GOLGB1: variants seen among roughly 807,000 people sequenced by gnomAD.
The protein encoded by GOLGB1 is golgin B1.
GOLGB1 carries 174 observed loss-of-function variants against 336.9 expected under a neutral mutation model. The ratio of observed to expected loss-of-function variants is 0.52; its 90% CI spans 0.46 to 0.59. The LOEUF is 0.59. Among genes scored for constraint, GOLGB1 ranks in the 20% least tolerant of loss-of-function variants. The pLI is 0.00. For synonymous variants in GOLGB1, 1,208 were observed against 1,289.2 expected, an observed-to-expected ratio of 0.94 and a Z score of 1.35; for missense variants, 3,331 against 3,645.3, an observed-to-expected ratio of 0.91 and a Z score of 2.22.
At position 121,692,276 on chromosome 3, in the gene GOLGB1, T is replaced by C; in HGVS notation, c.7088A>G (p.Gln2363Arg). 6.2e-7 allele frequency: 1 copy of C among 1,610,458 alleles called. No homozygotes were observed. The highest frequency in any genetic ancestry group is 1.3e-5 in the African/African-American group (1 of 74,654). ...DIQNSKFSYE[Q>R]LETDLQASRE... ...GGAGGCCTGAAGATCAGTCTCCAGTTGTTCATAACTGAACTTAGAATTTTG... is the reference window on the plus strand; with the variant it reads ...GGAGGCCTGAAGATCAGTCTCCAGTCGTTCATAACTGAACTTAGAATTTTG... Residue 2363 changes from glutamine to arginine, a missense_variant, in exon 14 of 22, where the codon CAA (glutamine) becomes CGA (arginine). Transcript: ENST00000614479.
intron 1 of GOLGB1, among the ~76,000 whole-genome samples, chr3:121,748,117 A>G (rs1342020083): frequency 2.0e-5 from 3 of 152,146 alleles, no homozygotes; most frequent in Non-Finnish European, 4.4e-5. Flanking sequence ...TCTTCTAAAG[A>G]TCATGTTTAA....
rs1366699975 is a variant in GOLGB1 at position 121,727,026 on chromosome 3, T to C, written c.418A>G (p.Thr140Ala). ...TTTTCTATTTCCATCTCTTCCTCTG[T>C]AGAACTCTTGTCATGCTGAAAATGC... ...EQLSKHDKSSTEEEMEIEKIK... is the reference protein window; with the variant it reads ...EQLSKHDKSSAEEEMEIEKIK... The change falls in exon 5 of 22, where the codon ACA becomes GCA. Residue 140 changes from threonine (T) to alanine (A), a missense_variant. Physicochemically the swap from Thr to Ala is moderately conservative, Grantham distance 58. Coordinates refer to ENST00000614479, the MANE Select transcript of GOLGB1 (RefSeq NM_001366282.2). 6.3e-7 allele frequency: 1 copy of C among 1,577,526 alleles called. No homozygotes were observed. Among genetic ancestry groups the C allele is most frequent in the Non-Finnish European group, 8.7e-7 (1 of 1,153,654 alleles).
chr3:121,732,047 C>G (rs1230358032), intron 1 of GOLGB1, among the ~76,000 whole-genome samples: 1 of 152,152 alleles, frequency 6.6e-6, no homozygotes, highest in African/African-American at 2.4e-5. Context: ...TAGCCCTATA[C>G]TTTTAAGTTC....
intron 17 of GOLGB1, among the ~76,000 whole-genome samples, chr3:121,670,996 A>T (rs1286720066): frequency 1.3e-5 from 2 of 152,226 alleles, no homozygotes; most frequent in Non-Finnish European, 2.9e-5. Context: ...GCAAACTATG[A>T]TCCAGGGCCT....
At position 121,692,233 on chromosome 3, in the gene GOLGB1, C is replaced by A. The variant is rs746445418; in HGVS notation, c.7131G>T (p.Arg2377Ser). Residue 2377 changes from arginine (R) to serine (S), a missense_variant, in exon 14 of 22, where the codon AGG becomes AGT. Transcript: ENST00000614479. ...CTTTCATATTTATTTCTTCATGCAG[C>A]CTACTGGTCAGTTCTCTGGAGGCCT... ...DLQASRELTS[R>S]LHEEINMKEQ... is the part of the protein sequence containing the mutation. 1.3e-6 allele frequency: 2 copies of A among 1,597,586 alleles called. No homozygotes were observed. The highest frequency in any genetic ancestry group is 1.7e-6 in the Non-Finnish European group (2 of 1,175,256).
chr3:121,668,431 T>C (rs1397546481), intron 18 of GOLGB1: 1 of 214,646 alleles, frequency 4.7e-6, no homozygotes, highest in African/African-American at 2.3e-5. Flanking sequence ...TCCCAGCACT[T>C]TGGGAGGCCG....
At position 121,668,048 on chromosome 3, in the gene GOLGB1, G is replaced by A; in HGVS notation, c.9419+13C>T. The stretch of plus-strand genomic sequence containing the variant: ...TGGTGTATGCTCCAGGGTTTAGAGA[G>A]CCACTCCCCTACCTTTGCTGCGGTT... On this transcript the variant is annotated intron_variant, in intron 19 of 21. Coordinates refer to ENST00000614479, the MANE Select transcript of GOLGB1 (RefSeq NM_001366282.2). 7 of 1,458,472 alleles carry A rather than the reference G, an allele frequency of 4.8e-6. No homozygotes were observed. Among genetic ancestry groups the A allele is most frequent in the Non-Finnish European group, 5.7e-6 (6 of 1,054,432 alleles). 90.3% of individuals were successfully genotyped at this position (1,458,472 alleles called of 1,614,324 possible). A position where few individuals can be genotyped will look rare whatever the true frequency, so the allele number is the denominator to read the frequency against.
At chr3:121,719,109 T>A (rs1437081173) in intron 7 of GOLGB1, among the ~76,000 whole-genome samples, 3 of 152,240 alleles carry the variant, frequency 2.0e-5, no homozygotes, top group African/African-American at 7.2e-5. Flanking sequence ...AAAGTATCAC[T>A]GAAGTGCCTT....
intron 10 of GOLGB1, among the ~76,000 whole-genome samples, 180 bp from the exon 11 acceptor site, chr3:121,702,775 T>C (rs562516226): frequency 6.6e-6 from 1 of 152,362 alleles, no homozygotes; most frequent in East Asian, 1.9e-4. Flanking sequence ...TCTAAAGATT[T>C]AGAAAAAGAA....
At chr3:121,674,657 TG>T (rs942222400) in intron 17 of GOLGB1, among the ~76,000 whole-genome samples, 5 of 152,262 alleles carry the variant, frequency 3.3e-5, no homozygotes, top group Non-Finnish European at 7.4e-5. Flanking sequence ...AATCTCATTC[TG>T]GGGCCCAAGA....
At chr3:121,719,169 A>G (rs1373667805) in intron 7 of GOLGB1, among the ~76,000 whole-genome samples, 1 of 152,242 alleles carries the variant, frequency 6.6e-6, no homozygotes, top group African/African-American at 2.4e-5. Context: ...ACTTTGAGTT[A>G]GTAGATGGTG....
At chr3:121,670,367 C>A (rs1939322150) in intron 17 of GOLGB1, among the ~76,000 whole-genome samples, 1 of 152,028 alleles carries the variant, frequency 6.6e-6, no homozygotes, top group African/African-American at 2.4e-5. Flanking sequence ...AAAGTTGAAA[C>A]AAACAATGTT....
At chr3:121,703,201 A>G (rs1943549351) in intron 10 of GOLGB1, among the ~76,000 whole-genome samples, 1 of 152,168 alleles carries the variant, frequency 6.6e-6, no homozygotes, top group Non-Finnish European at 1.5e-5. Context: ...CATGGATATT[A>G]TTCTATAAAA....
At chr3:121,733,061 C>T (rs1045839099) in intron 1 of GOLGB1, among the ~76,000 whole-genome samples, 2 of 152,142 alleles carry the variant, frequency 1.3e-5, no homozygotes, top group Non-Finnish European at 2.9e-5. Context: ...CGGTAGCTCA[C>T]GCCTGTAATC....
intron 14 of GOLGB1, among the ~76,000 whole-genome samples, chr3:121,686,013 T>C (rs1941684483): frequency 6.6e-6 from 1 of 152,186 alleles, no homozygotes. Context: ...TTTTAGCTCC[T>C]TGGAGTGGTA....
chr3:121,713,072 G>T (rs1162655766), intron 10 of GOLGB1, among the ~76,000 whole-genome samples: 2 of 152,130 alleles, frequency 1.3e-5, no homozygotes, highest in Non-Finnish European at 2.9e-5. Context: ...TGAGGCAGGA[G>T]AATTGCCTGA....
intron 10 of GOLGB1, among the ~76,000 whole-genome samples, chr3:121,705,807 C>T (rs1943766443): frequency 6.6e-6 from 1 of 152,216 alleles, no homozygotes; most frequent in African/African-American, 2.4e-5. Context: ...TTGGTGCTCA[C>T]ACAAAACCCG....
intron 20 of GOLGB1, 150 bp from the exon 21 acceptor site, chr3:121,665,181 G>T (rs1048113204): frequency 3.3e-6 from 2 of 597,530 alleles, no homozygotes; most frequent in Non-Finnish European, 6.0e-6. Flanking sequence ...CATGCAAGGG[G>T]GGTACCAGCA....
At chr3:121,667,452 G>A in intron 20 of GOLGB1, 24 bp downstream of exon 20, 1 of 1,609,280 alleles carries the variant, frequency 6.2e-7, no homozygotes, top group Non-Finnish European at 8.5e-7. Flanking sequence ...GAAGGGAACA[G>A]AGGCTATCTC....
Sources: gnomAD v4.1 joint callset for allele counts (sites outside exome capture counted in the v4.1 genomes callset) on GRCh38, gnomAD v4.1.1 for gene constraint, MANE v1.5 for transcripts, NCBI Gene and HGNC (gene_info 2026-07-23, HGNC 2026-07-21) for gene names.